SLC24A4: variants seen among roughly 807,000 people sequenced by gnomAD.
SLC24A4 encodes the protein sodium/potassium/calcium exchanger 4.
A neutral mutation model predicts 79.0 loss-of-function variants in SLC24A4; 53 were observed. That is an observed-to-expected ratio of 0.67 (90% CI 0.54 to 0.84). The LOEUF is 0.84. SLC24A4 is among the 40% of genes least tolerant of loss of function. The pLI is 0.00. For synonymous variants in SLC24A4, 323 were observed against 323.8 expected, an observed-to-expected ratio of 1.00 and a Z score of 0.03; for missense variants, 731 against 822.0, an observed-to-expected ratio of 0.89 and a Z score of 1.35.
intron 2 of SLC24A4, among the ~76,000 whole-genome samples, chr14:92,346,844 G>A (rs1481199828): frequency 6.6e-6 from 1 of 152,086 alleles, no homozygotes; most frequent in Non-Finnish European, 1.5e-5. Context: ...CAAATGTGTG[G>A]CCATGCTTAA....
intron 12 of SLC24A4, among the ~76,000 whole-genome samples, chr14:92,477,892 C>G (rs1894861334): frequency 1.3e-5 from 2 of 149,186 alleles, no homozygotes; most frequent in Admixed American, 1.3e-4. Context: ...AAGTGATCCT[C>G]ATTCCATTCC....
chr14:92,476,145 C>T (rs774278669), intron 12 of SLC24A4, among the ~76,000 whole-genome samples: 1 of 152,148 alleles, frequency 6.6e-6, no homozygotes, highest in Non-Finnish European at 1.5e-5. Flanking sequence ...AAAGACGTTC[C>T]TGGGCATTTA....
Position 92,446,636 on chromosome 14 carries a change from T to C in SLC24A4, c.684-735T>C, listed in dbSNP as rs552657383. 3.3e-5 allele frequency among the ~76,000 whole-genome samples: 5 copies of C among 152,328 alleles called. No individual in the cohort carries two copies. The South Asian group carries it at 1.0e-3, about 32-fold the overall frequency. On this transcript the variant is annotated intron_variant, in intron 8 of 16. Coordinates refer to ENST00000532405, the MANE Select transcript of SLC24A4 (RefSeq NM_153646.4). ...GTAGACAGGGTTGAGATGGCAGTGGTTCCATGATCTGGAGGTTAGCAAAGG... is the reference window on the plus strand; with the variant it reads ...GTAGACAGGGTTGAGATGGCAGTGGCTCCATGATCTGGAGGTTAGCAAAGG...
At chr14:92,348,638 T>C (rs1421069593) in intron 2 of SLC24A4, among the ~76,000 whole-genome samples, 2 of 152,228 alleles carry the variant, frequency 1.3e-5, no homozygotes, top group African/African-American at 2.4e-5. Context: ...TGTCCATTGA[T>C]TCATTTTCTG....
intron 2 of SLC24A4, among the ~76,000 whole-genome samples, chr14:92,332,304 C>G (rs1271186864): frequency 6.6e-6 from 1 of 151,872 alleles, no homozygotes; most frequent in Non-Finnish European, 1.5e-5. Context: ...AACAAAAAAC[C>G]AATATGTGTT....
At chr14:92,412,110 G>A (rs1369918913) in intron 2 of SLC24A4, among the ~76,000 whole-genome samples, 4 of 152,170 alleles carry the variant, frequency 2.6e-5, no homozygotes, top group African/African-American at 9.7e-5. Context: ...GCCTTGAGAT[G>A]TACAAGCCTG....
intron 2 of SLC24A4, among the ~76,000 whole-genome samples, chr14:92,425,601 G>A (rs1013373945): frequency 6.6e-6 from 1 of 152,190 alleles, no homozygotes; most frequent in Non-Finnish European, 1.5e-5. Context: ...ATTAATTCGG[G>A]CTCTGGCAAT....
chr14:92,351,705 A>G (rs1297659358), intron 2 of SLC24A4, among the ~76,000 whole-genome samples: 1 of 122,308 alleles, frequency 8.2e-6, no homozygotes, highest in Admixed American at 8.9e-5. Context: ...AAAAATACTG[A>G]AAAAAAAAAT....
At chr14:92,418,932 C>T (rs1409046528) in intron 2 of SLC24A4, among the ~76,000 whole-genome samples, 1 of 152,132 alleles carries the variant, frequency 6.6e-6, no homozygotes, top group African/African-American at 2.4e-5. Context: ...ACACTCCTGA[C>T]CTCAGGTGAT....
At chr14:92,365,858 T>C (rs1181758944) in intron 2 of SLC24A4, among the ~76,000 whole-genome samples, 1 of 152,166 alleles carries the variant, frequency 6.6e-6, no homozygotes, top group Non-Finnish European at 1.5e-5. Context: ...ATGGTGTAAG[T>C]AGCAGAGGCA....
rs1162310707 is a variant in SLC24A4 at position 92,392,718 on chromosome 14, G to A, written c.242-41194G>A. Among the ~76,000 whole-genome samples, 3 of 152,224 alleles carry A rather than the reference G, an allele frequency of 2.0e-5. No homozygotes were observed. The East Asian group carries it at 5.8e-4, about 29-fold the overall frequency. On this transcript the variant is annotated intron_variant, in intron 2 of 16. Coordinates refer to ENST00000532405, the MANE Select transcript of SLC24A4 (RefSeq NM_153646.4). ...CCAGTGTGACAGTGTTGAGAGTGGGGCCTTTGAGGAAGTGAGGGATTAGTG... is the reference window on the plus strand; with the variant it reads ...CCAGTGTGACAGTGTTGAGAGTGGGACCTTTGAGGAAGTGAGGGATTAGTG...
At chr14:92,476,752 G>A (rs543751280) in intron 12 of SLC24A4, among the ~76,000 whole-genome samples, 6 of 151,928 alleles carry the variant, frequency 3.9e-5, no homozygotes, top group African/African-American at 1.2e-4. Context: ...TCTACTTTCC[G>A]TCTCTATGAA....
At position 92,398,669 on chromosome 14, in the gene SLC24A4, C is replaced by T. The variant is rs773267241; in HGVS notation, c.242-35243C>T. On this transcript the variant is annotated intron_variant, in intron 2 of 16. Coordinates refer to ENST00000532405, the MANE Select transcript of SLC24A4 (RefSeq NM_153646.4). The surrounding 1 kb of genome is among the most constrained non-coding windows in gnomAD (Gnocchi z 4.1). ...CATGGCTCAGAACATACCCCTTCCT[C>T]GTGTTAGCCAAAGCGAGAAGGGGGG... 6.6e-6 allele frequency among the ~76,000 whole-genome samples: 1 copy of T among 152,142 alleles called. No individual in the cohort carries two copies. Among genetic ancestry groups the T allele is most frequent in the African/African-American group, 2.4e-5 (1 of 41,430 alleles).
At chr14:92,449,284 A>T in intron 10 of SLC24A4, 68 bp downstream of exon 10, 4 of 61,502 alleles carry the variant, frequency 6.5e-5, no homozygotes, top group East Asian at 7.7e-3. Flanking sequence ...TTTTGTGTAC[A>T]CACACACACA....
At chr14:92,336,638 G>C (rs534317215) in intron 2 of SLC24A4, among the ~76,000 whole-genome samples, 10 of 152,296 alleles carry the variant, frequency 6.6e-5, no homozygotes, top group African/African-American at 2.4e-4. Flanking sequence ...TCTGAAGCTG[G>C]AAGGCACCCA....
At chr14:92,327,463 G>T (rs1365859315) in intron 2 of SLC24A4, among the ~76,000 whole-genome samples, 3 of 152,230 alleles carry the variant, frequency 2.0e-5, no homozygotes, top group Admixed American at 6.5e-5. Flanking sequence ...AAAAACATGC[G>T]TGAGGCCAAG....
At chr14:92,448,597 C>T (rs1409074792) in intron 9 of SLC24A4, among the ~76,000 whole-genome samples, 13 of 152,096 alleles carry the variant, frequency 8.5e-5, no homozygotes, top group Admixed American at 3.3e-4. Context: ...AGCGAGAGCC[C>T]GCCTGAGGTT....
intron 2 of SLC24A4, among the ~76,000 whole-genome samples, chr14:92,383,249 A>AC (rs1294493320): frequency 2.0e-5 from 3 of 151,954 alleles, no homozygotes; most frequent in Admixed American, 2.0e-4. Flanking sequence ...GATATGGGGC[A>AC]CCCCCCACTC....
chr14:92,463,198 C>T (rs545570069), intron 12 of SLC24A4, among the ~76,000 whole-genome samples: 1 of 152,236 alleles, frequency 6.6e-6, no homozygotes, highest in Admixed American at 6.5e-5. Context: ...CCCATCCACC[C>T]CCATCTTCTT....
Sources: allele counts gnomAD v4.1 joint callset (sites outside exome capture counted in the v4.1 genomes callset), GRCh38; gene constraint gnomAD v4.1.1; non-coding constraint Gnocchi (gnomAD v3.1); transcripts MANE v1.5; gene names NCBI Gene and HGNC (gene_info 2026-07-23, HGNC 2026-07-21).